Variants in STOX1 observed in about 807,000 individuals in gnomAD.
STOX1 encodes storkhead box 1, also known as storkhead-box protein 1.
A neutral mutation model predicts 74.8 loss-of-function variants in STOX1; 57 were observed. The observed-to-expected ratio is 0.76, with a 90% CI of 0.62 to 0.95. The LOEUF (loss-of-function observed/expected upper bound fraction) is 0.95. Among genes scored for constraint, STOX1 ranks in the 40% least tolerant of loss-of-function variants. The probability of loss-of-function intolerance (pLI) is 0.00; values close to 1 mark genes in which losing one functional copy is unlikely to be tolerated. For missense variants in STOX1, 1,010 were observed against 1,117.0 expected (o/e 0.90, Z 1.37); for synonymous variants, 375 against 401.3 (o/e 0.93, Z 0.78).
At chr10:68,846,164 T>TTATTA in intron 1 of STOX1, among the ~76,000 whole-genome samples, 1 of 84,144 alleles carries the variant, frequency 1.2e-5, no homozygotes, top group African/African-American at 4.2e-5. Flanking sequence ...TATTATTATT[T>TTATTA]GAGACGGAGT....
intron 1 of STOX1, among the ~76,000 whole-genome samples, chr10:68,844,071 T>G (rs1299794231): frequency 2.0e-5 from 3 of 151,910 alleles, no homozygotes; most frequent in South Asian, 4.2e-4. Flanking sequence ...TCCCAGCTAC[T>G]TGGGAGCCTG....
At position 68,863,780 on chromosome 10, in the gene STOX1, T is replaced by A. The variant is rs74872137; in HGVS notation, c.311-18178T>A. 5.5e-4 allele frequency among the ~76,000 whole-genome samples: 83 copies of A among 152,170 alleles called. 1 individual carries two copies. In the East Asian group the frequency reaches 0.016, roughly 29 times the overall value. On this transcript the variant is annotated intron_variant, in intron 1 of 3. Transcript: ENST00000298596. ...TCAACTGTGTAGGATGAACCACATA[T>A]GAAGAATCAGAAATCACTTTAATAG... is the stretch of plus-strand genomic sequence containing the variant.
intron 1 of STOX1, among the ~76,000 whole-genome samples, chr10:68,851,949 C>T (rs915207169): frequency 6.6e-6 from 1 of 152,118 alleles, no homozygotes; most frequent in Non-Finnish European, 1.5e-5. Flanking sequence ...ACCTGGCCAA[C>T]ATGGTGAAAC....
intron 1 of STOX1, among the ~76,000 whole-genome samples, chr10:68,846,441 C>T (rs1218572869): frequency 6.6e-6 from 1 of 152,160 alleles, no homozygotes; most frequent in African/African-American, 2.4e-5. Flanking sequence ...TGAGCTACCA[C>T]TCTTGGCCAG....
chr10:68,839,860 G>A (rs1175753773), intron 1 of STOX1, among the ~76,000 whole-genome samples: 1 of 151,996 alleles, frequency 6.6e-6, no homozygotes, highest in African/African-American at 2.4e-5. Context: ...ACTACACAGA[G>A]TGAGACTCCG....
chr10:68,880,441 T>C (rs1251692660), intron 1 of STOX1, among the ~76,000 whole-genome samples: 1 of 152,150 alleles, frequency 6.6e-6, no homozygotes, highest in Non-Finnish European at 1.5e-5. Flanking sequence ...AGTGTTGGGA[T>C]TATGGGTGTG....
intron 1 of STOX1, among the ~76,000 whole-genome samples, chr10:68,851,299 T>TAAA (rs35166698): frequency 4.2e-4 from 46 of 108,638 alleles, no homozygotes; most frequent in African/African-American, 1.2e-3. Flanking sequence ...TGAGACTTTC[T>TAAA]AAAAAAAAAA....
intron 1 of STOX1, among the ~76,000 whole-genome samples, chr10:68,838,637 G>A (rs944337215): frequency 2.6e-5 from 4 of 152,040 alleles, no homozygotes; most frequent in Admixed American, 6.6e-5. Context: ...AGAGCCGGGC[G>A]CGGTGGCTCA....
At chr10:68,833,021 C>T (rs1470916743) in intron 1 of STOX1, among the ~76,000 whole-genome samples, 2 of 151,498 alleles carry the variant, frequency 1.3e-5, no homozygotes, top group African/African-American at 2.4e-5. Context: ...CCTCCTGCCT[C>T]TGCCTCTCAA....
At chr10:68,860,064 G>T (rs1840223482) in intron 1 of STOX1, among the ~76,000 whole-genome samples, 1 of 151,906 alleles carries the variant, frequency 6.6e-6, no homozygotes, top group African/African-American at 2.4e-5. Flanking sequence ...GGTCGAGATG[G>T]GCAGATCACG....
At chr10:68,847,949 T>A (rs180772763) in intron 1 of STOX1, among the ~76,000 whole-genome samples, 46 of 152,302 alleles carry the variant, frequency 3.0e-4, no homozygotes, top group African/African-American at 9.6e-4. Context: ...CAGGCTGGTC[T>A]CAAACTCCCG....
intron 3 of STOX1, among the ~76,000 whole-genome samples, chr10:68,890,414 T>C (rs1841069564): frequency 1.3e-5 from 2 of 152,056 alleles, no homozygotes; most frequent in African/African-American, 4.8e-5. Context: ...TCTCCCATCT[T>C]GGTCTCTCAA....
intron 1 of STOX1, among the ~76,000 whole-genome samples, chr10:68,830,798 A>G (rs1220890448): frequency 6.6e-6 from 1 of 152,182 alleles, no homozygotes; most frequent in Non-Finnish European, 1.5e-5. Flanking sequence ...AGCAAAATGG[A>G]GAAAGATCTT....
In STOX1 at chr10:68,886,600, G is replaced by GTGGAAT. The variant is rs766454981; in HGVS notation, c.2805_2810dup (p.Gly936_Ile937dup). ...GAAAATCACAGCATGGCAGGAGATA[G>GTGGAAT]TGGAATAGATTCTCCACGGTAGGTC... On this transcript the variant is annotated inframe_insertion, in exon 3 of 4. Transcript: ENST00000298596. 9.9e-6 allele frequency: 16 copies of GTGGAAT among 1,614,038 alleles called. No homozygotes were observed. In the Admixed American group the frequency reaches 2.2e-4, roughly 22 times the overall value.
intron 1 of STOX1, among the ~76,000 whole-genome samples, chr10:68,867,155 C>T (rs1478930721): frequency 6.6e-6 from 1 of 151,924 alleles, no homozygotes; most frequent in Non-Finnish European, 1.5e-5. Context: ...CTGTGTTAGC[C>T]AGGATGGTCT....
chr10:68,894,826 A>C (rs1223730548), downstream of STOX1, among the ~76,000 whole-genome samples: 1 of 152,166 alleles, frequency 6.6e-6, no homozygotes, highest in Non-Finnish European at 1.5e-5. Context: ...GTTGGACTGA[A>C]GTGATCCTCC....
chr10:68,871,039 T>C (rs956657939), intron 1 of STOX1, among the ~76,000 whole-genome samples: 6 of 152,154 alleles, frequency 3.9e-5, no homozygotes, highest in African/African-American at 1.4e-4. Flanking sequence ...CACGACTGAA[T>C]AAAGTCATGA....
rs533157561 is a variant in STOX1, at chr10:68,866,472, CCT to C, written c.311-15485_311-15484del. ...TTGTTTATTTGTACTGCAAAATCCC[CCT>C]GTTCTTTTAGTTTCACTTTTTCCTA... On this transcript the variant is annotated intron_variant, in intron 1 of 3. Coordinates refer to ENST00000298596, the MANE Select transcript of STOX1 (RefSeq NM_152709.5). 1.6e-4 allele frequency among the ~76,000 whole-genome samples: 24 copies of C among 152,246 alleles called. No homozygotes were observed. The South Asian group carries it at 3.9e-3, about 25-fold the overall frequency.
At chr10:68,862,371 A>G (rs1300237351) in intron 1 of STOX1, among the ~76,000 whole-genome samples, 3 of 152,118 alleles carry the variant, frequency 2.0e-5, no homozygotes, top group Admixed American at 1.3e-4. Flanking sequence ...AGAACGATCT[A>G]CATTCCTGGC....
Sources: gnomAD v4.1 joint callset for allele counts (sites outside exome capture counted in the v4.1 genomes callset) on GRCh38, gnomAD v4.1.1 for gene constraint, MANE v1.5 for transcripts, NCBI Gene and HGNC (gene_info 2026-07-23, HGNC 2026-07-21) for gene names.